The following MYPN variants were observed in gnomAD, a reference collection of about 807,000 sequenced individuals.
The protein encoded by MYPN is myopalladin.
In MYPN, 63 loss-of-function variants were observed where a neutral mutation model predicts 129.4. The observed-to-expected ratio is 0.49, with a 90% CI of 0.40 to 0.60. The LOEUF is 0.60. Ranked by LOEUF, MYPN falls within the 20% of genes least tolerant of loss-of-function variation. The pLI is 0.00. For synonymous variants in MYPN, 629 were observed against 600.9 expected (o/e 1.05, Z -0.68); for missense variants, 1,596 against 1,635.4 (o/e 0.98, Z 0.42).
intron 7 of MYPN, among the ~76,000 whole-genome samples, chr10:68,160,423 T>C (rs529854762): frequency 5.7e-4 from 55 of 97,140 alleles, no homozygotes; most frequent in African/African-American, 2.1e-3. Context: ...GAGTGAGACC[T>C]TATCTCAAAA....
At chr10:68,125,556 T>C (rs566124139) in intron 2 of MYPN, among the ~76,000 whole-genome samples, 1 of 152,324 alleles carries the variant, frequency 6.6e-6, no homozygotes, top group Admixed American at 6.5e-5. Flanking sequence ...CAGTGATCAA[T>C]GCAATGACAG....
chr10:68,122,940 A>G (rs1008601896), intron 2 of MYPN, among the ~76,000 whole-genome samples: 14 of 152,116 alleles, frequency 9.2e-5, no homozygotes, highest in Admixed American at 8.5e-4. Context: ...ATAAAACATT[A>G]TCATTCAACA....
At chr10:68,139,951 A>C (rs1349453802) in intron 2 of MYPN, among the ~76,000 whole-genome samples, 1 of 152,226 alleles carries the variant, frequency 6.6e-6, no homozygotes, top group Non-Finnish European at 1.5e-5. Flanking sequence ...TATATAAGAC[A>C]ATTTCAGATA....
chr10:68,191,552 G>T (rs1487318040), intron 13 of MYPN, among the ~76,000 whole-genome samples: 1 of 152,116 alleles, frequency 6.6e-6, no homozygotes, highest in East Asian at 1.9e-4. Flanking sequence ...TGTCATTGTT[G>T]TTTTGATAGG....
intron 18 of MYPN, among the ~76,000 whole-genome samples, chr10:68,206,188 G>C (rs918001369): frequency 1.3e-5 from 2 of 152,168 alleles, no homozygotes; most frequent in Admixed American, 1.3e-4. Flanking sequence ...AAATCCTAAT[G>C]CTTGGATCCC....
intron 6 of MYPN, among the ~76,000 whole-genome samples, chr10:68,154,934 C>T (rs1490540148): frequency 1.3e-5 from 2 of 152,142 alleles, no homozygotes; most frequent in African/African-American, 4.8e-5. Context: ...AATTCCAGCA[C>T]TTCGGGAGGT....
chr10:68,136,539 C>T (rs145421383), intron 2 of MYPN: 1 of 1,423,624 alleles, frequency 7.0e-7, no homozygotes. Flanking sequence ...TGATCCCTGC[C>T]TAATTTCTAA....
At chr10:68,151,008 C>G (rs1162133372) in intron 6 of MYPN, among the ~76,000 whole-genome samples, 3 of 152,160 alleles carry the variant, frequency 2.0e-5, no homozygotes, top group African/African-American at 7.2e-5. Flanking sequence ...TTTGTTGTCA[C>G]AGCTGGGGGG....
rs10509296 is a variant in MYPN at position 68,148,226 on chromosome 10, A to G, written c.1131-127A>G. 0.028 allele frequency: 22,645 copies of G among 818,274 alleles called. 3,482 individuals are homozygous for G. In the African/African-American group the frequency reaches 0.34, roughly 12 times the overall value. 50.7% of individuals were successfully genotyped at this position (818,274 alleles called of 1,614,324 possible). Reference sequence around the variant, plus strand: ...AATGCCCTTGGTCAACGTTTGTAAAATATCATCAAACCAAGATTTTTATTA... The same window carrying G: ...AATGCCCTTGGTCAACGTTTGTAAAGTATCATCAAACCAAGATTTTTATTA... On this transcript the variant is annotated intron_variant, in intron 4 of 19. Coordinates refer to ENST00000358913, the MANE Select transcript of MYPN (RefSeq NM_032578.4).
intron 3 of MYPN, 39 bp from the exon 4 acceptor site, chr10:68,145,436 T>C (rs114286560): frequency 1.3e-6 from 2 of 1,549,682 alleles, no homozygotes; most frequent in East Asian, 2.2e-5. Context: ...TAAGAAATTG[T>C]CATCTTAACA....
chr10:68,107,643 G>A (rs763830569), upstream of MYPN, among the ~76,000 whole-genome samples: 2 of 151,788 alleles, frequency 1.3e-5, no homozygotes, highest in Non-Finnish European at 1.5e-5. Flanking sequence ...GATCCCCCGC[G>A]CCCGGCCGGC....
intron 13 of MYPN, among the ~76,000 whole-genome samples, chr10:68,193,747 C>T (rs368361096): frequency 6.6e-5 from 10 of 151,942 alleles, no homozygotes; most frequent in Admixed American, 2.0e-4. Context: ...TGAGAGATCT[C>T]CTTCACACAT....
chr10:68,165,562 G>A, intron 8 of MYPN, 140 bp from the exon 9 acceptor site: 2 of 742,172 alleles, frequency 2.7e-6, no homozygotes, highest in Non-Finnish European at 4.8e-6. Flanking sequence ...TCAAACAATT[G>A]TTTTGACCAA....
At chr10:68,181,088 AAATATTCTTTCC>A (rs1272198705) in intron 12 of MYPN, among the ~76,000 whole-genome samples, 1 of 152,164 alleles carries the variant, frequency 6.6e-6, no homozygotes, top group Non-Finnish European at 1.5e-5. Flanking sequence ...TACACAGAAA[AAATATTCTTTCC>A]TTTGAGTGTA....
chr10:68,174,799 C>T, intron 11 of MYPN, 143 bp downstream of exon 11: 1 of 788,752 alleles, frequency 1.3e-6, no homozygotes, highest in Non-Finnish European at 2.1e-6. Flanking sequence ...ATGTGGAACA[C>T]TTCAGGACAA....
At chr10:68,190,227 C>T (rs1250484724) in intron 13 of MYPN, among the ~76,000 whole-genome samples, 1 of 152,154 alleles carries the variant, frequency 6.6e-6, no homozygotes, top group Admixed American at 6.6e-5. Flanking sequence ...CACTCTGTCG[C>T]CCAGGCTGGA....
At chr10:68,115,141 C>G (rs1024272047) in intron 1 of MYPN, among the ~76,000 whole-genome samples, 2 of 151,846 alleles carry the variant, frequency 1.3e-5, no homozygotes, top group Non-Finnish European at 2.9e-5. Context: ...CGCCTGGAAT[C>G]CCAGCTACTC....
chr10:68,101,271 G>C (rs534626612), upstream of MYPN, among the ~76,000 whole-genome samples: 9 of 152,318 alleles, frequency 5.9e-5, no homozygotes, highest in East Asian at 1.7e-3. Context: ...AAGTGGAAGT[G>C]ACAGTGAACA....
Position 68,166,553 on chromosome 10 carries a change from C to T in MYPN, c.1860C>T (p.Thr620=), listed in dbSNP as rs1288985773. 1.2e-6 allele frequency: 2 copies of T among 1,614,164 alleles called. No homozygotes were observed. The highest frequency in any genetic ancestry group is 2.2e-5 in the East Asian group (1 of 44,886). ...CCTCCGAGGCTGGTGTGGTGACCACCAGACAGACCAGGCCCGATTCTTTCC... is the reference window on the plus strand; with the variant it reads ...CCTCCGAGGCTGGTGTGGTGACCACTAGACAGACCAGGCCCGATTCTTTCC... ...EASSEAGVVT[T]RQTRPDSFQE... Residue 620 remains threonine (T), a synonymous_variant, in exon 10 of 20, where the codon ACC becomes ACT. Transcript: ENST00000358913.
Sources: gnomAD v4.1 joint callset for allele counts (sites outside exome capture counted in the v4.1 genomes callset) on GRCh38, gnomAD v4.1.1 for gene constraint, MANE v1.5 for transcripts, NCBI Gene and HGNC (gene_info 2026-07-23, HGNC 2026-07-21) for gene names.